TERF2: variants seen among roughly 807,000 people sequenced by gnomAD.
TERF2 encodes the protein telomeric repeat-binding factor 2.
Under a neutral mutation model 56.1 loss-of-function variants are expected in TERF2, and 16 were observed. That is an observed-to-expected ratio of 0.29 (90% CI 0.19 to 0.43). The LOEUF is 0.43. Among genes scored for constraint, TERF2 ranks in the 20% least tolerant of loss-of-function variants. The pLI is 1.00. For synonymous variants in TERF2, 296 were observed against 282.1 expected (o/e 1.05, Z -0.50); for missense variants, 547 against 712.9 (o/e 0.77, Z 2.65).
chr16:69,373,804 G>C (rs1382384233), intron 3 of TERF2, among the ~76,000 whole-genome samples: 5 of 152,204 alleles, frequency 3.3e-5, no homozygotes, highest in Non-Finnish European at 7.3e-5. Flanking sequence ...CTGCACTCCA[G>C]CTTGGGCGAA....
intron 7 of TERF2, among the ~76,000 whole-genome samples, chr16:69,362,840 A>C (rs1369986101): frequency 6.6e-6 from 1 of 152,122 alleles, no homozygotes; most frequent in Non-Finnish European, 1.5e-5. Context: ...AAATCAAATG[A>C]CCCGCAAAAG....
chr16:69,358,242 C>T (rs558078830), intron 8 of TERF2, among the ~76,000 whole-genome samples: 4 of 152,176 alleles, frequency 2.6e-5, no homozygotes, highest in African/African-American at 7.2e-5. Flanking sequence ...CTCCATCTCC[C>T]GACCTCATGA....
chr16:69,358,689 T>G (rs929667134), intron 8 of TERF2, among the ~76,000 whole-genome samples: 1 of 152,198 alleles, frequency 6.6e-6, no homozygotes, highest in Admixed American at 6.5e-5. Context: ...GGAGAAAGTA[T>G]CTGACAACTG....
At position 69,385,933 on chromosome 16, in the gene TERF2, G is replaced by A; in HGVS notation, c.39C>T (p.Gly13=). The A allele has an allele frequency of 7.3e-7, 1 of 1,369,490 alleles. No individual in the cohort carries two copies. Among genetic ancestry groups the A allele is most frequent in the Non-Finnish European group, 9.4e-7 (1 of 1,060,606 alleles). 84.8% of individuals were successfully genotyped at this position (1,369,490 alleles called of 1,614,324 possible). A position where few individuals can be genotyped will look rare whatever the true frequency, so the allele number is the denominator to read the frequency against. ...AGAGTAGPAS[G]PGVVRDPAAS... ...CCGCTGGGTCACGCACGACGCCCGG[G>A]CCGGAAGCGGGGCCCGCCGTCCCGG... The change falls in exon 1 of 10, where the codon GGC becomes GGT. Residue 13 remains glycine, a synonymous_variant. Coordinates refer to ENST00000254942, the MANE Select transcript of TERF2 (RefSeq NM_005652.5).
chr16:69,383,108 T>G (rs921170493), intron 3 of TERF2, among the ~76,000 whole-genome samples: 1 of 152,092 alleles, frequency 6.6e-6, no homozygotes, highest in Non-Finnish European at 1.5e-5. Context: ...CCACAAAGAC[T>G]CTTCCAGAAG....
Position 69,372,786 on chromosome 16 carries a change from T to C in TERF2, c.607-431A>G, listed in dbSNP as rs565922306. ...CTCAAAAAAAACAAACAAACAATTA[T>C]TGTTCAAGTGTTATGAACCACTGGA... On this transcript the variant is annotated intron_variant, in intron 3 of 9. Transcript: ENST00000254942. 3.3e-5 allele frequency among the ~76,000 whole-genome samples: 5 copies of C among 152,196 alleles called. No individual in the cohort carries two copies. In the South Asian group the frequency reaches 1.0e-3, roughly 32 times the overall value.
intron 5 of TERF2, among the ~76,000 whole-genome samples, chr16:69,369,577 G>A (rs1314485435): frequency 2.6e-5 from 4 of 152,138 alleles, no homozygotes; most frequent in Admixed American, 6.5e-5. Context: ...GGGATTACAG[G>A]TGTGAACCAC....
chr16:69,382,714 G>A (rs1382562342), intron 3 of TERF2, among the ~76,000 whole-genome samples: 2 of 152,208 alleles, frequency 1.3e-5, no homozygotes, highest in Admixed American at 1.3e-4. Flanking sequence ...ACAGCCAGTA[G>A]GAAAGTGAGT....
At chr16:69,361,859 T>G (rs1204679019) in intron 7 of TERF2, among the ~76,000 whole-genome samples, 2 of 151,092 alleles carry the variant, frequency 1.3e-5, no homozygotes, top group Non-Finnish European at 2.9e-5. Context: ...GGACATGCCT[T>G]CTTCCTATAT....
chr16:69,361,350 G>C (rs534905617), intron 8 of TERF2, 54 bp downstream of exon 8: 1 of 1,231,246 alleles, frequency 8.1e-7, no homozygotes, highest in Non-Finnish European at 1.2e-6. Context: ...ACAGTAACAC[G>C]CATCTGTACT....
Position 69,357,060 on chromosome 16 carries a change from C to A in TERF2, c.1471-4G>T, listed in dbSNP as rs1279933413. The A allele has an allele frequency of 5.0e-6, 8 of 1,600,866 alleles. No individual in the cohort carries two copies. The highest frequency in any genetic ancestry group is 6.8e-6 in the Non-Finnish European group (8 of 1,175,754). On this transcript the variant is annotated splice_region_variant and splice_polypyrimidine_tract_variant and intron_variant, in intron 9 of 9. Transcript: ENST00000254942. ...CGCTTTCTTCTACAGTCCACTTCTGCAAAAGAAAACCAAAAGATTTATTAC... is the reference window on the plus strand; with the variant it reads ...CGCTTTCTTCTACAGTCCACTTCTGAAAAAGAAAACCAAAAGATTTATTAC...
At chr16:69,373,762 G>C (rs1159205106) in intron 3 of TERF2, among the ~76,000 whole-genome samples, 1 of 152,156 alleles carries the variant, frequency 6.6e-6, no homozygotes, top group African/African-American at 2.4e-5. Context: ...GGGTCTGGGA[G>C]ATCGGGGCTG....
intron 2 of TERF2, 33 bp downstream of exon 2, chr16:69,385,358 T>G: frequency 6.4e-7 from 1 of 1,574,666 alleles, no homozygotes; most frequent in South Asian, 1.1e-5. Flanking sequence ...CCTACGCAAG[T>G]AAGCCCAGAG....
At chr16:69,380,715 GATGACTTCATAACATC>G (rs1403059862) in intron 3 of TERF2, among the ~76,000 whole-genome samples, 1 of 151,478 alleles carries the variant, frequency 6.6e-6, no homozygotes, top group Non-Finnish European at 1.5e-5. Flanking sequence ...TTCATCCATG[GATGACTTCATAACATC>G]ATGCATTGGT....
At chr16:69,375,088 A>G (rs1437145878) in intron 3 of TERF2, among the ~76,000 whole-genome samples, 3 of 152,170 alleles carry the variant, frequency 2.0e-5, no homozygotes, top group South Asian at 4.1e-4. Flanking sequence ...TACACTATCA[A>G]TAGTTCACTT....
rs748691706 is a variant in TERF2 at position 69,384,562 on chromosome 16, A to T, written c.606+18T>A. 2 of 1,608,720 alleles carry T rather than the reference A, an allele frequency of 1.2e-6. No homozygotes were observed. Among genetic ancestry groups the T allele is most frequent in the Admixed American group, 3.4e-5 (2 of 58,370 alleles). On this transcript the variant is annotated intron_variant, in intron 3 of 9. Coordinates refer to ENST00000254942, the MANE Select transcript of TERF2 (RefSeq NM_005652.5). ...TGATTTTTGGTCAAAGAAAAAAGAT[A>T]TAAAAATAGAGCCTTACAGCTTCCT...
intron 5 of TERF2, among the ~76,000 whole-genome samples, chr16:69,369,696 T>G (rs1358631400): frequency 6.6e-6 from 1 of 152,222 alleles, no homozygotes; most frequent in East Asian, 1.9e-4. Flanking sequence ...TTCTTCCCTA[T>G]GCTGTCCTGA....
chr16:69,370,845 A>T (rs2013543775), intron 4 of TERF2, among the ~76,000 whole-genome samples: 1 of 152,186 alleles, frequency 6.6e-6, no homozygotes, highest in African/African-American at 2.4e-5. Flanking sequence ...ACAGATAAAG[A>T]AGTTCCTTAT....
At chr16:69,379,221 C>T (rs985815316) in intron 3 of TERF2, among the ~76,000 whole-genome samples, 1 of 152,124 alleles carries the variant, frequency 6.6e-6, no homozygotes, top group African/African-American at 2.4e-5. Flanking sequence ...AATAAAGAAG[C>T]AGATGCAAAA....
Sources: gnomAD v4.1 joint callset for allele counts (sites outside exome capture counted in the v4.1 genomes callset) on GRCh38, gnomAD v4.1.1 for gene constraint, MANE v1.5 for transcripts, NCBI Gene and HGNC (gene_info 2026-07-23, HGNC 2026-07-21) for gene names.